The following ADD2 variants were observed in gnomAD, a reference collection of about 807,000 sequenced individuals.
ADD2 encodes beta-adducin.
In ADD2, 23 loss-of-function variants were observed where a neutral mutation model predicts 83.0. The ratio of observed to expected loss-of-function variants is 0.28; its 90% CI spans 0.20 to 0.39. ADD2 has a LOEUF of 0.39. ADD2 is among the 10% of genes least tolerant of loss of function. ADD2 has a pLI of 1.00. For synonymous variants in ADD2, 375 were observed against 375.4 expected (o/e 1.00, Z 0.01); for missense variants, 758 against 944.9 (o/e 0.80, Z 2.59).
chr2:70,760,986 G>A (rs1421122750), intron 1 of ADD2, among the ~76,000 whole-genome samples: 1 of 152,126 alleles, frequency 6.6e-6, no homozygotes, highest in Non-Finnish European at 1.5e-5. Flanking sequence ...TGCCCCAAAA[G>A]GATGATGTTA....
At chr2:70,666,229 G>A (rs539661592) in intron 15 of ADD2, among the ~76,000 whole-genome samples, 2 of 152,372 alleles carry the variant, frequency 1.3e-5, no homozygotes, top group African/African-American at 2.4e-5. Context: ...AAAGGTCTGT[G>A]GAATCCATGA....
intron 1 of ADD2, among the ~76,000 whole-genome samples, chr2:70,731,768 T>G (rs1673295495): frequency 6.6e-6 from 1 of 152,224 alleles, no homozygotes; most frequent in South Asian, 2.1e-4. Flanking sequence ...AGCGATGGAC[T>G]GCTGAGTTCT....
At position 70,698,659 on chromosome 2, in the gene ADD2, T is replaced by C. The variant is rs115632546; in HGVS notation, c.323-2263A>G. On this transcript the variant is annotated intron_variant, in intron 4 of 15. Coordinates refer to ENST00000264436, the MANE Select transcript of ADD2 (RefSeq NM_001617.4). ...TGATCATTATATTATTATTTATATA[T>C]AAAAATGTCGCTTGTACCCCATAAA... 4.6e-3 allele frequency among the ~76,000 whole-genome samples: 696 copies of C among 152,300 alleles called. 4 individuals are homozygous for C. Among genetic ancestry groups the C allele is most frequent in the African/African-American group, 0.016 (648 of 41,568 alleles).
chr2:70,724,030 G>T (rs1672859176), intron 1 of ADD2, among the ~76,000 whole-genome samples: 1 of 152,234 alleles, frequency 6.6e-6, no homozygotes, highest in African/African-American at 2.4e-5. Flanking sequence ...TGGACCAAAA[G>T]TGCCCAGTGA....
chr2:70,717,225 G>A (rs782073115), intron 1 of ADD2, among the ~76,000 whole-genome samples: 13 of 152,036 alleles, frequency 8.6e-5, no homozygotes, highest in Non-Finnish European at 1.6e-4. Flanking sequence ...CATGAGACAC[G>A]CTTCCTGTCA....
chr2:70,673,139 G>T, intron 14 of ADD2, 133 bp from the exon 15 acceptor site: 1 of 1,540,120 alleles, frequency 6.5e-7, no homozygotes, highest in Non-Finnish European at 8.9e-7. Flanking sequence ...ACTTCTAGCT[G>T]AAGTTAGCTC....
At chr2:70,733,289 A>C (rs1329019271) in intron 1 of ADD2, among the ~76,000 whole-genome samples, 1 of 152,168 alleles carries the variant, frequency 6.6e-6, no homozygotes, top group South Asian at 2.1e-4. Context: ...CTTTTTAAGG[A>C]GGCTTTAATA....
intron 1 of ADD2, among the ~76,000 whole-genome samples, chr2:70,747,728 C>T (rs1374323946): frequency 1.3e-5 from 2 of 152,222 alleles, no homozygotes; most frequent in East Asian, 1.9e-4. Flanking sequence ...CTTCTACACA[C>T]ATTTTGTGTT....
chr2:70,742,595 T>A (rs927201134), intron 1 of ADD2, among the ~76,000 whole-genome samples: 34 of 152,178 alleles, frequency 2.2e-4, no homozygotes, highest in African/African-American at 8.0e-4. Context: ...CAGGCTCAAC[T>A]GGTACCTATT....
At chr2:70,751,197 C>G (rs1335365498) in intron 1 of ADD2, among the ~76,000 whole-genome samples, 3 of 152,158 alleles carry the variant, frequency 2.0e-5, no homozygotes, top group Non-Finnish European at 4.4e-5. Context: ...TTGATCCCTT[C>G]CACTTTGACA....
chr2:70,715,796 C>T (rs782473070), intron 1 of ADD2, among the ~76,000 whole-genome samples: 1 of 151,870 alleles, frequency 6.6e-6, no homozygotes, highest in African/African-American at 2.4e-5. Context: ...AGGCATCCCA[C>T]CATGGGATCC....
At chr2:70,762,702 A>C (rs1331773242) in intron 1 of ADD2, among the ~76,000 whole-genome samples, 1 of 147,442 alleles carries the variant, frequency 6.8e-6, no homozygotes, top group Non-Finnish European at 1.5e-5. Context: ...CAAAAATTTC[A>C]TTTTCTTTTT....
chr2:70,679,697 T>A (rs1574232321), intron 10 of ADD2, among the ~76,000 whole-genome samples: 1 of 151,558 alleles, frequency 6.6e-6, no homozygotes, highest in Non-Finnish European at 1.5e-5. Context: ...TAAGCAAAAT[T>A]AAAAAAAATA....
intron 8 of ADD2, among the ~76,000 whole-genome samples, chr2:70,689,472 GA>G (rs1232079744): frequency 2.6e-5 from 4 of 152,238 alleles, no homozygotes; most frequent in Non-Finnish European, 5.9e-5. Context: ...AAGTGCCAGA[GA>G]AACAGAAAGA....
intron 1 of ADD2, among the ~76,000 whole-genome samples, chr2:70,716,302 C>T (rs1672463616): frequency 6.6e-6 from 1 of 152,096 alleles, no homozygotes; most frequent in Admixed American, 6.5e-5. Context: ...ATTCCCAGCC[C>T]CCTGACCTCT....
At chr2:70,679,510 T>C (rs545715126) in intron 10 of ADD2, among the ~76,000 whole-genome samples, 4 of 152,200 alleles carry the variant, frequency 2.6e-5, no homozygotes, top group Non-Finnish European at 1.5e-5. Flanking sequence ...TCCTGTCTCC[T>C]AAGCAAGGCC....
chr2:70,730,098 A>G (rs1673205901), intron 1 of ADD2, among the ~76,000 whole-genome samples: 1 of 152,248 alleles, frequency 6.6e-6, no homozygotes, highest in African/African-American at 2.4e-5. Context: ...TGATTTCTCA[A>G]GAGTCCCACA....
intron 6 of ADD2, among the ~76,000 whole-genome samples, chr2:70,693,421 T>C (rs1430033254): frequency 6.6e-6 from 1 of 152,082 alleles, no homozygotes; most frequent in African/African-American, 2.4e-5. Flanking sequence ...ACCCGTGACA[T>C]CCTGAATGTG....
At chr2:70,673,210 A>G in intron 14 of ADD2, 1 of 1,609,136 alleles carries the variant, frequency 6.2e-7, no homozygotes, top group Admixed American at 1.7e-5. Context: ...GAGAGGGTGG[A>G]GTCATGTTTC....
Sources: allele counts gnomAD v4.1 joint callset (sites outside exome capture counted in the v4.1 genomes callset), GRCh38; gene constraint gnomAD v4.1.1; transcripts MANE v1.5; gene names NCBI Gene and HGNC (gene_info 2026-07-23, HGNC 2026-07-21).